SLC17A6: variants seen among roughly 807,000 people sequenced by gnomAD.
SLC17A6 encodes solute carrier family 17 member 6, also known as vesicular glutamate transporter 2.
In SLC17A6, 35 loss-of-function variants were observed where a neutral mutation model predicts 67.1. That is an observed-to-expected ratio of 0.52 (90% CI 0.40 to 0.69). The LOEUF (loss-of-function observed/expected upper bound fraction) is 0.69, where lower values mean the gene tolerates loss of function less well. SLC17A6 is among the 30% of genes least tolerant of loss of function. The pLI is 0.00. For synonymous variants in SLC17A6, 285 were observed against 252.3 expected (o/e 1.13, Z -1.23); for missense variants, 588 against 723.9 (o/e 0.81, Z 2.15).
chr11:22,358,530 C>T (rs1856015316), intron 3 of SLC17A6, among the ~76,000 whole-genome samples: 1 of 152,176 alleles, frequency 6.6e-6, no homozygotes, highest in Non-Finnish European at 1.5e-5. Flanking sequence ...TGGGGTTTCA[C>T]TATGTTGGCC....
chr11:22,377,575 A>C lies in SLC17A6; in HGVS notation c.1584A>C (p.Thr528=). 1 of 1,614,168 alleles carries C rather than the reference A, an allele frequency of 6.2e-7. No homozygotes were observed. The highest frequency in any genetic ancestry group is 8.5e-7 in the Non-Finnish European group (1 of 1,180,008). The part of the protein sequence containing the change: ...FIHEDELDEE[T]GDITQNYINY... ...ATGAAGATGAACTCGATGAAGAAAC[A>C]GGGGACATTACTCAAAATTATATAA... is the stretch of plus-strand genomic sequence containing the variant. Residue 528 remains threonine, a synonymous_variant, in exon 12 of 12, where the codon ACA becomes ACC. Coordinates refer to ENST00000263160, the MANE Select transcript of SLC17A6 (RefSeq NM_020346.3).
intron 9 of SLC17A6, 83 bp downstream of exon 9, chr11:22,374,970 T>A (rs996913995): frequency 7.7e-7 from 1 of 1,298,842 alleles, no homozygotes. Context: ...TCTACACATA[T>A]CAAATTACTT....
intron 4 of SLC17A6, among the ~76,000 whole-genome samples, chr11:22,360,012 G>C (rs1440647839): frequency 2.0e-5 from 3 of 151,476 alleles, no homozygotes; most frequent in Non-Finnish European, 4.4e-5. Context: ...GACTTTGAAA[G>C]AATTCCACTT....
chr11:22,379,390 A>C lies in SLC17A6; in HGVS notation c.*1650A>C, dbSNP rs1236825064. 6.6e-6 allele frequency: 1 copy of C among 152,590 alleles called. No homozygotes were observed. Among genetic ancestry groups the C allele is most frequent in the African/African-American group, 2.4e-5 (1 of 41,454 alleles). 9.5% of individuals were successfully genotyped at this position (152,590 alleles called of 1,614,324 possible). A position where few individuals can be genotyped will look rare whatever the true frequency, so the allele number is the denominator to read the frequency against. On this transcript the variant is annotated 3_prime_UTR_variant, in exon 12 of 12. Coordinates refer to ENST00000263160, the MANE Select transcript of SLC17A6 (RefSeq NM_020346.3). ...AAAATACCCTTTGCTTTGTGCCTCA[A>C]AGTGATGTAATGTGATCACAGCTTT...
intron 7 of SLC17A6, among the ~76,000 whole-genome samples, chr11:22,368,399 A>G (rs1468411120): frequency 6.6e-6 from 1 of 152,076 alleles, no homozygotes; most frequent in African/African-American, 2.4e-5. Context: ...ACAGAAAAAA[A>G]CACTAATAGT....
intron 2 of SLC17A6, among the ~76,000 whole-genome samples, chr11:22,342,433 T>C (rs929284346): frequency 1.3e-5 from 2 of 152,134 alleles, no homozygotes; most frequent in Non-Finnish European, 2.9e-5. Context: ...GGAAGACTCT[T>C]GGAATCCGGG....
chr11:22,352,305 T>C (rs1208772961), intron 3 of SLC17A6, among the ~76,000 whole-genome samples: 2 of 152,158 alleles, frequency 1.3e-5, no homozygotes, highest in Non-Finnish European at 2.9e-5. Context: ...TCTACAGGAG[T>C]ACTCTAAATT....
intron 7 of SLC17A6, 35 bp downstream of exon 7, chr11:22,365,724 A>G: frequency 6.3e-7 from 1 of 1,583,814 alleles, no homozygotes. Flanking sequence ...TTCCTATCTT[A>G]TTCCCATCTC....
At position 22,339,185 on chromosome 11, in the gene SLC17A6, A is replaced by ATATATGTTT. The variant is rs1564976577; in HGVS notation, c.86+571_86+572insGTTTTATAT. On this transcript the variant is annotated intron_variant, in intron 1 of 11. Coordinates refer to ENST00000263160, the MANE Select transcript of SLC17A6 (RefSeq NM_020346.3). Reference sequence around the variant, plus strand: ...TATATGTTATATATATATGTTTTATATATATATATATATATATATGTTAGA... The same window carrying ATATATGTTT: ...TATATGTTATATATATATGTTTTATATATATGTTTTATATATATATATATATATGTTAGA... 5.3e-3 allele frequency among the ~76,000 whole-genome samples: 242 copies of ATATATGTTT among 45,386 alleles called. 36 individuals are homozygous for ATATATGTTT. The highest frequency in any genetic ancestry group is 0.022 in the African/African-American group (228 of 10,604). The allele number at this position is 45,386 out of a possible 152,430, so 29.8% of individuals were successfully genotyped here. A position where few individuals can be genotyped will look rare whatever the true frequency, so the allele number is the denominator to read the frequency against.
In SLC17A6 at chr11:22,365,749, A is replaced by G. The variant is rs976776227; in HGVS notation, c.891+60A>G. On this transcript the variant is annotated intron_variant, in intron 7 of 11. Transcript: ENST00000263160. ...ATTCCCATCTCGCCCCCATTGACCAACCAAACTATCTTACAAGTTCTTCCT... is the reference window on the plus strand; with the variant it reads ...ATTCCCATCTCGCCCCCATTGACCAGCCAAACTATCTTACAAGTTCTTCCT... 5.9e-6 allele frequency: 9 copies of G among 1,522,122 alleles called. No homozygotes were observed. The East Asian group carries it at 2.1e-4, about 36-fold the overall frequency. 94.3% of individuals were successfully genotyped at this position (1,522,122 alleles called of 1,614,324 possible). A position where few individuals can be genotyped will look rare whatever the true frequency, so the allele number is the denominator to read the frequency against.
At chr11:22,341,429 C>T (rs1276460675) in intron 1 of SLC17A6, 99 bp from the exon 2 acceptor site, 37 of 1,516,792 alleles carry the variant, frequency 2.4e-5, no homozygotes, top group Non-Finnish European at 3.3e-5. Flanking sequence ...GTCGACGGCC[C>T]TCCTCCCAAC....
intron 1 of SLC17A6, among the ~76,000 whole-genome samples, chr11:22,339,207 T>TAG (rs1204278305): frequency 7.2e-6 from 1 of 139,384 alleles, no homozygotes; most frequent in Non-Finnish European, 1.5e-5. Context: ...ATATATATGT[T>TAG]AGAGAGAGAG....
rs1856249740 is a variant in SLC17A6, at chr11:22,377,880, C to T, written c.*140C>T. 5 of 676,972 alleles carry T rather than the reference C, an allele frequency of 7.4e-6. No individual in the cohort carries two copies. The highest frequency in any genetic ancestry group is 1.2e-5 in the Non-Finnish European group (5 of 409,348). The allele number at this position is 676,972 out of a possible 1,614,324, so 41.9% of individuals were successfully genotyped here. A position where few individuals can be genotyped will look rare whatever the true frequency, so the allele number is the denominator to read the frequency against. On this transcript the variant is annotated 3_prime_UTR_variant, in exon 12 of 12. Coordinates refer to ENST00000263160, the MANE Select transcript of SLC17A6 (RefSeq NM_020346.3). Reference sequence around the variant, plus strand: ...GCTGTAAAAATGAAAACAAAACAAACCCATGAGGTTACCATCAAGTGCAAT... The same window carrying T: ...GCTGTAAAAATGAAAACAAAACAAATCCATGAGGTTACCATCAAGTGCAAT...
rs1438739826 is a variant in SLC17A6, at chr11:22,339,179, TTTTATA to T, written c.86+562_86+567del. Among the ~76,000 whole-genome samples, 72 of 51,834 alleles carry T rather than the reference TTTTATA, an allele frequency of 1.4e-3. 6 individuals carry two copies. The highest frequency in any genetic ancestry group is 2.0e-3 in the Non-Finnish European group (58 of 28,504). The allele number at this position is 51,834 out of a possible 152,430, so 34.0% of individuals were successfully genotyped here. A position where few individuals can be genotyped will look rare whatever the true frequency, so the allele number is the denominator to read the frequency against. On this transcript the variant is annotated intron_variant, in intron 1 of 11. Coordinates refer to ENST00000263160, the MANE Select transcript of SLC17A6 (RefSeq NM_020346.3). ...TATATATATATGTTATATATATATG[TTTTATA>T]TATATATATATATATATATGTTAGA...
chr11:22,341,899 G>T, intron 2 of SLC17A6, 119 bp downstream of exon 2: 2 of 1,413,924 alleles, frequency 1.4e-6, no homozygotes, highest in South Asian at 1.4e-5. Flanking sequence ...TGCTCCCTAA[G>T]CTCCTCTCTG....
chr11:22,373,687 C>T (rs1856198867), intron 8 of SLC17A6, among the ~76,000 whole-genome samples: 2 of 152,122 alleles, frequency 1.3e-5, no homozygotes, highest in South Asian at 4.1e-4. Flanking sequence ...TCACTTAAGT[C>T]TTCTGACTCT....
rs1310906367 is a variant in SLC17A6 at position 22,378,245 on chromosome 11, A to T, written c.*505A>T. ...AGAAATACATTGTGAACTATCAGCT[A>T]CAAAGTTGTACTGAATAACTATTAG... On this transcript the variant is annotated 3_prime_UTR_variant, in exon 12 of 12. Coordinates refer to ENST00000263160, the MANE Select transcript of SLC17A6 (RefSeq NM_020346.3). 1 of 154,410 alleles carries T rather than the reference A, an allele frequency of 6.5e-6. No individual in the cohort carries two copies. Among genetic ancestry groups the T allele is most frequent in the East Asian group, 1.9e-4 (1 of 5,232 alleles). 9.6% of individuals were successfully genotyped at this position (154,410 alleles called of 1,614,324 possible).
intron 8 of SLC17A6, among the ~76,000 whole-genome samples, chr11:22,372,644 C>T (rs957873777): frequency 6.6e-6 from 1 of 152,114 alleles, no homozygotes; most frequent in Middle Eastern, 3.4e-3. Context: ...GATAGGAAGA[C>T]ATACGATCTA....
intron 5 of SLC17A6, among the ~76,000 whole-genome samples, chr11:22,362,489 C>T (rs2133870852): frequency 6.6e-6 from 1 of 152,266 alleles, no homozygotes; most frequent in East Asian, 1.9e-4. Flanking sequence ...GTCAGCATGT[C>T]TCCATTATTA....
Sources: gnomAD v4.1 joint callset for allele counts (sites outside exome capture counted in the v4.1 genomes callset) on GRCh38, gnomAD v4.1.1 for gene constraint, MANE v1.5 for transcripts, NCBI Gene and HGNC (gene_info 2026-07-23, HGNC 2026-07-21) for gene names.